PTPRD: variants seen among roughly 807,000 people sequenced by gnomAD.
The protein encoded by PTPRD is receptor-type tyrosine-protein phosphatase delta.
PTPRD carries 34 observed loss-of-function variants against 214.5 expected under a neutral mutation model. The observed-to-expected ratio is 0.16, with a 90% CI of 0.12 to 0.21. PTPRD has a LOEUF of 0.21. PTPRD is among the 10% of genes least tolerant of loss of function. PTPRD has a pLI of 1.00. For missense variants in PTPRD, 2,545 were observed against 2,398.7 expected (o/e 1.06, Z -1.27); for synonymous variants, 1,128 against 845.7 (o/e 1.33, Z -5.79).
At chr9:9,497,709 A>T (rs2096252139) in intron 8 of PTPRD, among the ~76,000 whole-genome samples, 3 of 152,136 alleles carry the variant, frequency 2.0e-5, no homozygotes, top group South Asian at 4.1e-4. Context: ...TACCACCTTT[A>T]TGCCTCCACC....
intron 8 of PTPRD, among the ~76,000 whole-genome samples, chr9:9,458,956 AACACAT>A (rs1348768237): frequency 1.3e-5 from 2 of 152,066 alleles, no homozygotes; most frequent in Admixed American, 1.3e-4. Flanking sequence ...AAAACAAACA[AACACAT>A]ACACATACAC....
intron 2 of PTPRD, among the ~76,000 whole-genome samples, chr9:10,473,355 C>A (rs941716564): frequency 2.0e-5 from 3 of 152,062 alleles, no homozygotes; most frequent in African/African-American, 7.2e-5. Context: ...TGGAAAGCCA[C>A]CATAGTTATG....
intron 3 of PTPRD, among the ~76,000 whole-genome samples, chr9:10,236,367 T>C (rs767777646): frequency 1.3e-5 from 2 of 151,974 alleles, no homozygotes; most frequent in Non-Finnish European, 2.9e-5. Flanking sequence ...AAAAGGCTCC[T>C]ATCTTGACAG....
intron 8 of PTPRD, among the ~76,000 whole-genome samples, chr9:9,541,398 C>T (rs780894442): frequency 1.3e-5 from 2 of 151,694 alleles, no homozygotes; most frequent in African/African-American, 4.8e-5. Context: ...AATATGAAGG[C>T]CCCAGAAATA....
chr9:8,787,020 T>G (rs1303212511), intron 11 of PTPRD, among the ~76,000 whole-genome samples: 1 of 152,046 alleles, frequency 6.6e-6, no homozygotes, highest in Non-Finnish European at 1.5e-5. Context: ...CTTTTTTTTG[T>G]AGACAGGGTC....
intron 4 of PTPRD, among the ~76,000 whole-genome samples, chr9:9,984,154 C>T (rs981320255): frequency 1.3e-5 from 2 of 151,872 alleles, no homozygotes; most frequent in African/African-American, 4.8e-5. Context: ...AATAAAATAG[C>T]ATTCATTAAT....
chr9:9,843,797 T>C (rs2058870048), intron 5 of PTPRD, among the ~76,000 whole-genome samples: 1 of 151,988 alleles, frequency 6.6e-6, no homozygotes, highest in Non-Finnish European at 1.5e-5. Flanking sequence ...AACCGAAATT[T>C]AAATAGAGGT....
intron 12 of PTPRD, among the ~76,000 whole-genome samples, chr9:8,661,698 A>G (rs564744926): frequency 6.6e-6 from 1 of 152,212 alleles, no homozygotes; most frequent in Admixed American, 6.5e-5. Context: ...GAAAAGCAAG[A>G]TAAGAATGTT....
intron 8 of PTPRD, among the ~76,000 whole-genome samples, chr9:9,528,059 C>G (rs1325501306): frequency 2.0e-5 from 3 of 152,154 alleles, no homozygotes; most frequent in African/African-American, 7.2e-5. Flanking sequence ...CAAAGGGAGA[C>G]AATCCAGCCA....
chr9:10,016,093 C>G (rs10733199), intron 4 of PTPRD, among the ~76,000 whole-genome samples: 117,006 of 151,960 alleles, frequency 0.77, 45,360 homozygotes, highest in Middle Eastern at 0.83. Context: ...CTATCAATCT[C>G]AATTAAATCA....
intron 8 of PTPRD, among the ~76,000 whole-genome samples, chr9:9,531,924 T>C (rs995892153): frequency 1.3e-4 from 20 of 151,994 alleles, no homozygotes; most frequent in African/African-American, 4.8e-4. Flanking sequence ...TGCCTTGATA[T>C]AAATCTATTA....
At chr9:10,001,503 G>A (rs879497664) in intron 4 of PTPRD, among the ~76,000 whole-genome samples, 4 of 152,002 alleles carry the variant, frequency 2.6e-5, no homozygotes, top group African/African-American at 9.7e-5. Context: ...CTTAAAAGCA[G>A]AAAGATAAGG....
chr9:10,282,334 C>T (rs1419918546), intron 3 of PTPRD, among the ~76,000 whole-genome samples: 1 of 152,088 alleles, frequency 6.6e-6, no homozygotes, highest in Non-Finnish European at 1.5e-5. Context: ...TTGTTCAATA[C>T]AGAACTTTGT....
intron 14 of PTPRD, among the ~76,000 whole-genome samples, chr9:8,621,127 T>A (rs556521405): frequency 1.3e-4 from 20 of 152,034 alleles, no homozygotes; most frequent in African/African-American, 4.3e-4. Flanking sequence ...ATTCCAAAGA[T>A]TCCTCAACTG....
intron 4 of PTPRD, among the ~76,000 whole-genome samples, chr9:9,957,665 C>T (rs879146272): frequency 6.6e-6 from 1 of 151,946 alleles, no homozygotes; most frequent in South Asian, 2.1e-4. Flanking sequence ...AACCTTAACA[C>T]AATATTAGTG....
At chr9:8,666,509 C>T (rs2097173372) in intron 12 of PTPRD, among the ~76,000 whole-genome samples, 1 of 152,194 alleles carries the variant, frequency 6.6e-6, no homozygotes, top group African/African-American at 2.4e-5. Context: ...TTATAGGTGT[C>T]ACTGCCTCAT....
chr9:10,585,204 T>G (rs2073501356), intron 2 of PTPRD, among the ~76,000 whole-genome samples: 1 of 152,054 alleles, frequency 6.6e-6, no homozygotes, highest in African/African-American at 2.4e-5. Flanking sequence ...GTAGTAATAA[T>G]TATTATTAAT....
intron 9 of PTPRD, among the ~76,000 whole-genome samples, chr9:9,381,730 T>A (rs2062353034): frequency 6.6e-6 from 1 of 151,724 alleles, no homozygotes; most frequent in South Asian, 2.1e-4. Context: ...TTTTGTTTGT[T>A]TTTTAGTGGC....
chr9:8,761,616 A>C (rs1166271771), intron 11 of PTPRD, among the ~76,000 whole-genome samples: 1 of 152,196 alleles, frequency 6.6e-6, no homozygotes, highest in Non-Finnish European at 1.5e-5. Context: ...TCTCCTAAGG[A>C]GTTACAATCC....
Sources: gnomAD v4.1 joint callset for allele counts (sites outside exome capture counted in the v4.1 genomes callset) on GRCh38, gnomAD v4.1.1 for gene constraint, MANE v1.5 for transcripts, NCBI Gene and HGNC (gene_info 2026-07-23, HGNC 2026-07-21) for gene names.